Variants in LRRC9 observed in about 807,000 individuals in gnomAD.
LRRC9 encodes leucine-rich repeat-containing protein 9.
Under a neutral mutation model 63.2 loss-of-function variants are expected in LRRC9, and 122 were observed. The ratio of observed to expected loss-of-function variants is 1.93; its 90% CI spans 1.67 to 2.24. The LOEUF (loss-of-function observed/expected upper bound fraction) is 2.24, where lower values mean the gene tolerates loss of function less well. LRRC9 is among the 30% of genes most tolerant of loss of function. The probability of loss-of-function intolerance (pLI) is 0.00; values close to 1 mark genes in which losing one functional copy is unlikely to be tolerated. For synonymous variants in LRRC9, 366 were observed against 213.1 expected, an observed-to-expected ratio of 1.72 and a Z score of -6.25; for missense variants, 1,071 against 627.7, an observed-to-expected ratio of 1.71 and a Z score of -7.55.
At position 60,004,812 on chromosome 14, in the gene LRRC9, T is replaced by G. The variant is rs890840590; in HGVS notation, c.2842+1014T>G. On this transcript the variant is annotated intron_variant, in intron 21 of 31. Coordinates refer to ENST00000445360, the Ensembl canonical transcript of LRRC9. The surrounding 1 kb of genome is among the most constrained non-coding windows in gnomAD (Gnocchi z 4.8). ...TCTACTCAAAAGAGTAACTAACTCC[T>G]AGAAATTAAAAAATATGTCCACAAG... Among the ~76,000 whole-genome samples the G allele has an allele frequency of 1.3e-5, 2 of 151,988 alleles. No individual in the cohort carries two copies. Among genetic ancestry groups the G allele is most frequent in the African/African-American group, 4.8e-5 (2 of 41,404 alleles).
chr14:60,000,553 A>T lies in LRRC9; in HGVS notation c.2529+1327A>T, dbSNP rs1889260788. Among the ~76,000 whole-genome samples the T allele has an allele frequency of 2.0e-5, 3 of 152,124 alleles. No individual in the cohort carries two copies. The South Asian group carries it at 6.2e-4, about 31-fold the overall frequency. On this transcript the variant is annotated intron_variant, in intron 19 of 31. Transcript: ENST00000445360. ...AATAGACCAATGGAACAGAATAACA[A>T]CCTAATATAGACGGTGGAAACTTTA...
rs1894777342 is a variant in LRRC9 at position 60,063,322 on chromosome 14, G to A, written c.4277-1G>A. 1 of 700,778 alleles carries A rather than the reference G, an allele frequency of 1.4e-6. No homozygotes were observed. The highest frequency in any genetic ancestry group is 2.6e-6 in the Non-Finnish European group (1 of 384,360). 43.4% of individuals were successfully genotyped at this position (700,778 alleles called of 1,614,324 possible). ...GACTAATTAAATCTTATTTCTTACA[G>A]AATTTTTGGGAGCAACTTTCCAAGA... On this transcript the variant is annotated splice_acceptor_variant, in intron 31 of 31. Transcript: ENST00000445360. LOFTEE classifies it high-confidence loss of function.
intron 28 of LRRC9, among the ~76,000 whole-genome samples, chr14:60,029,223 G>T (rs528485947): frequency 6.6e-6 from 1 of 152,016 alleles, no homozygotes; most frequent in Non-Finnish European, 1.5e-5. Flanking sequence ...AGTCATCACA[G>T]ATCTTACCTG....
At chr14:59,928,075 G>A in intron 2 of LRRC9, 84 bp downstream of exon 2, 1 of 619,162 alleles carries the variant, frequency 1.6e-6, no homozygotes, top group Non-Finnish European at 2.8e-6. Context: ...AGAGCTGGAA[G>A]GGTTACTTAG....
intron 29 of LRRC9, among the ~76,000 whole-genome samples, chr14:60,036,827 A>T (rs1278326424): frequency 6.6e-6 from 1 of 152,032 alleles, no homozygotes; most frequent in African/African-American, 2.4e-5. Context: ...CAAGTTTGTT[A>T]CATATGTATA....
At chr14:59,979,425 T>TGGCTAACCATCCC (rs1336105878) in intron 15 of LRRC9, among the ~76,000 whole-genome samples, 35 of 152,214 alleles carry the variant, frequency 2.3e-4, no homozygotes, top group Non-Finnish European at 4.1e-4. Context: ...GAGACCATCC[T>TGGCTAACCATCCC]GGCTAACCAT....
chr14:59,922,906 A>C lies in LRRC9; in HGVS notation c.-34+3023A>C, dbSNP rs1352462100. 6.6e-6 allele frequency among the ~76,000 whole-genome samples: 1 copy of C among 152,256 alleles called. No homozygotes were observed. The highest frequency in any genetic ancestry group is 1.5e-5 in the Non-Finnish European group (1 of 68,046). On this transcript the variant is annotated intron_variant, in intron 1 of 31. Coordinates refer to ENST00000445360, the Ensembl canonical transcript of LRRC9. This position sits in a 1 kb window ranked among gnomAD's most constrained non-coding sequence, Gnocchi z 5.3. ...ATGCATTTGTAGTGACTTCAGCTCC[A>C]TGCTGGTTAGGTGAAATTTTCCAGT...
intron 23 of LRRC9, among the ~76,000 whole-genome samples, chr14:60,012,093 A>G (rs1890305142): frequency 6.6e-6 from 1 of 152,214 alleles, no homozygotes; most frequent in Non-Finnish European, 1.5e-5. Context: ...AAACATATGT[A>G]GAAAAAGAAG....
chr14:59,945,765 A>T (rs941372197), intron 8 of LRRC9, among the ~76,000 whole-genome samples: 6 of 152,090 alleles, frequency 3.9e-5, no homozygotes, highest in Non-Finnish European at 8.8e-5. Flanking sequence ...ATGTCTAAAT[A>T]GAAAAATTGA....
chr14:59,925,881 G>A (rs536121589), intron 1 of LRRC9, among the ~76,000 whole-genome samples: 8 of 152,210 alleles, frequency 5.3e-5, no homozygotes, highest in Non-Finnish European at 8.8e-5. Context: ...TTTCAAGGGC[G>A]AGACTAGGTG....
At chr14:60,022,021 G>A (rs1431495282) in intron 26 of LRRC9, among the ~76,000 whole-genome samples, 1 of 151,772 alleles carries the variant, frequency 6.6e-6, no homozygotes, top group African/African-American at 2.4e-5. Context: ...CAGTGAGTGG[G>A]GGGGATGTCT....
intron 29 of LRRC9, among the ~76,000 whole-genome samples, chr14:60,038,005 C>A (rs1274255661): frequency 6.6e-6 from 1 of 152,192 alleles, no homozygotes; most frequent in Non-Finnish European, 1.5e-5. Flanking sequence ...TTTCCCAGCA[C>A]CATTTATTAA....
intron 29 of LRRC9, among the ~76,000 whole-genome samples, chr14:60,040,275 T>A (rs1021764371): frequency 4.6e-5 from 7 of 152,004 alleles, no homozygotes; most frequent in Non-Finnish European, 5.9e-5. Context: ...GTCTATTAGG[T>A]CCACTTGGTG....
intron 26 of LRRC9, among the ~76,000 whole-genome samples, chr14:60,021,337 T>G (rs1451609221): frequency 6.6e-6 from 1 of 151,904 alleles, no homozygotes; most frequent in Non-Finnish European, 1.5e-5. Context: ...TAAACCTAAT[T>G]GTTTAATTAG....
intron 29 of LRRC9, among the ~76,000 whole-genome samples, chr14:60,044,875 G>A (rs116637837): frequency 0.023 from 3,550 of 152,178 alleles, 100 homozygotes; most frequent in African/African-American, 0.072. Flanking sequence ...TCATGACTGC[G>A]AATGGGATAT....
chr14:59,961,342 A>T (rs1287310444), intron 10 of LRRC9, among the ~76,000 whole-genome samples: 1 of 152,208 alleles, frequency 6.6e-6, no homozygotes, highest in Non-Finnish European at 1.5e-5. Context: ...ATTTAGAAAA[A>T]AAAATTTATA....
At chr14:60,033,616 T>C (rs1892172734) in intron 29 of LRRC9, among the ~76,000 whole-genome samples, 1 of 152,166 alleles carries the variant, frequency 6.6e-6, no homozygotes, top group South Asian at 2.1e-4. Context: ...CTGGGATGAA[T>C]ACTTCTTGGT....
intron 31 of LRRC9, among the ~76,000 whole-genome samples, chr14:60,063,044 G>A (rs985074689): frequency 2.0e-5 from 3 of 151,904 alleles, no homozygotes; most frequent in Admixed American, 6.6e-5. Context: ...ACGGGCATGC[G>A]CCACCATGCC....
chr14:59,968,819 A>G (rs1305029047), intron 12 of LRRC9, among the ~76,000 whole-genome samples: 1 of 152,100 alleles, frequency 6.6e-6, no homozygotes, highest in African/African-American at 2.4e-5. Flanking sequence ...GAGATGAACC[A>G]CCTCCTTTAA....
Sources: gnomAD v4.1 joint callset for allele counts (sites outside exome capture counted in the v4.1 genomes callset) on GRCh38, gnomAD v4.1.1 for gene constraint, Gnocchi (gnomAD v3.1) non-coding constraint, MANE v1.5 for transcripts, NCBI Gene and HGNC (gene_info 2026-07-23, HGNC 2026-07-21) for gene names.